The following ALOX15B variants were observed in gnomAD, a reference collection of about 807,000 sequenced individuals.
The protein encoded by ALOX15B is arachidonate 15-lipoxygenase type B, also known as polyunsaturated fatty acid lipoxygenase ALOX15B.
ALOX15B carries 74 observed loss-of-function variants against 73.8 expected under a neutral mutation model. The ratio of observed to expected loss-of-function variants is 1.00; its 90% confidence interval spans 0.83 to 1.22. The LOEUF is 1.22. Ranked by LOEUF, ALOX15B falls within the 50% of genes most tolerant of loss-of-function variation. The pLI is 0.00. For synonymous variants in ALOX15B, 353 were observed against 357.2 expected (o/e 0.99, Z 0.13); for missense variants, 896 against 859.9 (o/e 1.04, Z -0.52).
In ALOX15B at chr17:8,045,567, C is replaced by G; in HGVS notation, c.1081C>G (p.Arg361Gly). 1.9e-6 allele frequency: 3 copies of G among 1,614,170 alleles called. No homozygotes were observed. The highest frequency in any genetic ancestry group is 1.1e-5 in the South Asian group (1 of 91,080). ...CTGGTTGCTGGCCAAGACCTGGGTG[C>G]GCAATGCCGAGTTCTCCTTCCATGA... is the stretch of plus-strand genomic sequence containing the variant. The part of the protein sequence containing the change: ...WDWLLAKTWV[R>G]NAEFSFHEAL... The change falls in exon 8 of 14, where the codon CGC (arginine) becomes GGC (glycine). Residue 361 changes from arginine to glycine, a missense_variant. Coordinates refer to ENST00000380183, the MANE Select transcript of ALOX15B (RefSeq NM_001141.3).
intron 3 of ALOX15B, among the ~76,000 whole-genome samples, chr17:8,041,850 C>T (rs558720957): frequency 6.6e-6 from 1 of 152,220 alleles, no homozygotes. Context: ...AGCCCCTGTC[C>T]CAGGATAGTC....
Position 8,047,910 on chromosome 17 carries a change from G to C in ALOX15B, c.1846G>C (p.Asp616His). 1 of 1,614,084 alleles carries C rather than the reference G, an allele frequency of 6.2e-7. No individual in the cohort carries two copies. Among genetic ancestry groups the C allele is most frequent in the Non-Finnish European group, 8.5e-7 (1 of 1,179,980 alleles). ...CTGGTTGCTGAGCAAGGAGCCTGGA[G>C]ACCAAGTGAGTGTGGGGCTGGGGGC... ...ALWLLSKEPG[D>H]QRPLGTYPDE... The change falls in exon 13 of 14, where the codon GAC becomes CAC. Residue 616 changes from aspartate to histidine, a missense_variant. Transcript: ENST00000380183.
chr17:8,040,832 C>G (rs1976446418), intron 3 of ALOX15B, among the ~76,000 whole-genome samples: 1 of 152,156 alleles, frequency 6.6e-6, no homozygotes, highest in Admixed American at 6.5e-5. Flanking sequence ...GATGGGGGCT[C>G]TCTCTGTGCT....
rs1482159314 is a variant in ALOX15B at position 8,039,279 on chromosome 17, G to A, written c.124G>A (p.Gly42Ser). The change falls in exon 1 of 14, where the codon GGC (glycine) becomes AGC (serine). Residue 42 changes from glycine (G) to serine (S), a missense_variant. Coordinates refer to ENST00000380183, the MANE Select transcript of ALOX15B (RefSeq NM_001141.3). ...ESPPLPLDNL[G>S]KEFTAGAEED... ...CCCCCCACTGCCCCTGGACAATCTC[G>A]GCAAGGAGTTCACTGCGGGCGCTGT... 7 of 1,588,878 alleles carry A rather than the reference G, an allele frequency of 4.4e-6. No individual in the cohort carries two copies. The African/African-American group carries it at 8.0e-5, about 18-fold the overall frequency.
Position 8,042,784 on chromosome 17 carries a change from T to C in ALOX15B, c.576T>C (p.Phe192=). Residue 192 remains phenylalanine, a synonymous_variant, in exon 5 of 14, where the codon TTT becomes TTC. Transcript: ENST00000380183. The part of the protein sequence containing the change: ...ANFYLQAGSA[F]AEMKIKGLLD... ...CACCCCTCACATCCCCTGGCAGTTT[T>C]GCAGAGATGAAAATCAAGGGGTTGC... The C allele has an allele frequency of 6.4e-7, 1 of 1,556,372 alleles. No individual in the cohort carries two copies. The highest frequency in any genetic ancestry group is 2.4e-5 in the East Asian group (1 of 42,030).
rs1273556784 is a variant in ALOX15B, at chr17:8,046,902, C to T, written c.1288-5C>T. On this transcript the variant is annotated splice_polypyrimidine_tract_variant and splice_region_variant and intron_variant, in intron 9 of 13. Transcript: ENST00000380183. Reference sequence around the variant, plus strand: ...TCTGTAGGACCCAAGAGTCCTGTCTCTCAGTCCACAGGCATCGGCATTGAA... The same window carrying T: ...TCTGTAGGACCCAAGAGTCCTGTCTTTCAGTCCACAGGCATCGGCATTGAA... 2 of 1,613,942 alleles carry T rather than the reference C, an allele frequency of 1.2e-6. No individual in the cohort carries two copies. Among genetic ancestry groups the T allele is most frequent in the African/African-American group, 1.3e-5 (1 of 74,912 alleles).
rs1286082376 is a variant in ALOX15B, at chr17:8,039,477, G to A, written c.239G>A (p.Gly80Glu). The stretch of plus-strand genomic sequence containing the variant: ...GCGCCCCCAGTGCTGCCCCTGCTGG[G>A]GCCCCTGGCCCCGGATGCCTGGTTC... ...HKAPPVLPLL[G>E]PLAPDAWFCR... The change falls in exon 2 of 14, where the codon GGG becomes GAG. Residue 80 changes from glycine to glutamate, a missense_variant. Gly to Glu is a moderately conservative substitution (Grantham distance 98, BLOSUM62 -2). Transcript: ENST00000380183. 1 of 1,591,474 alleles carries A rather than the reference G, an allele frequency of 6.3e-7. No homozygotes were observed. The highest frequency in any genetic ancestry group is 8.5e-7 in the Non-Finnish European group (1 of 1,170,722).
chr17:8,041,556 C>T (rs1372550042), intron 3 of ALOX15B, among the ~76,000 whole-genome samples: 1 of 152,214 alleles, frequency 6.6e-6, no homozygotes, highest in Admixed American at 6.5e-5. Context: ...TTGGCCACCA[C>T]CTGGTGGCAG....
At position 8,039,114 on chromosome 17, in the gene ALOX15B, G is replaced by A; in HGVS notation, c.-42G>A. 6.3e-7 allele frequency: 1 copy of A among 1,595,014 alleles called. No individual in the cohort carries two copies. Among genetic ancestry groups the A allele is most frequent in the Non-Finnish European group, 8.5e-7 (1 of 1,171,766 alleles). The stretch of plus-strand genomic sequence containing the variant: ...GTGTCCCAGGGGGGAGCCCCGCTCT[G>A]CAGCCCTGTGCGCCGTAGAGAGCTG... On this transcript the variant is annotated 5_prime_UTR_variant, in exon 1 of 14. Transcript: ENST00000380183.
At chr17:8,040,830 C>T (rs1461919167) in intron 3 of ALOX15B, among the ~76,000 whole-genome samples, 1 of 152,120 alleles carries the variant, frequency 6.6e-6, no homozygotes, top group Non-Finnish European at 1.5e-5. Flanking sequence ...GAGATGGGGG[C>T]TCTCTCTGTG....
rs778231020 is a variant in ALOX15B at position 8,048,430 on chromosome 17, C to T, written c.1896C>T (p.Ala632=). ...TYPDEHFTEE[A]PRRSIATFQS... ...CGGATGAGCACTTCACAGAGGAGGCCCCTCGGCGGAGCATCGCCACCTTCC... is the reference window on the plus strand; with the variant it reads ...CGGATGAGCACTTCACAGAGGAGGCTCCTCGGCGGAGCATCGCCACCTTCC... Residue 632 remains alanine (A), a synonymous_variant, in exon 14 of 14, where the codon GCC becomes GCT. Transcript: ENST00000380183. 5.6e-6 allele frequency: 9 copies of T among 1,613,944 alleles called. No homozygotes were observed. The highest frequency in any genetic ancestry group is 1.3e-5 in the African/African-American group (1 of 74,934).
intron 13 of ALOX15B, 104 bp downstream of exon 13, chr17:8,048,019 C>A: frequency 7.3e-7 from 1 of 1,361,896 alleles, no homozygotes; most frequent in Non-Finnish European, 9.9e-7. Context: ...GTAGCGGGTC[C>A]CTTTGCCCCA....
intron 8 of ALOX15B, among the ~76,000 whole-genome samples, chr17:8,046,171 C>T (rs1001937318): frequency 6.6e-6 from 1 of 152,214 alleles, no homozygotes; most frequent in Non-Finnish European, 1.5e-5. Context: ...CACCCACAGT[C>T]GCTGCTCAGA....
At position 8,048,477 on chromosome 17, in the gene ALOX15B, C is replaced by T. The variant is rs749876352; in HGVS notation, c.1943C>T (p.Ser648Leu). 12 of 1,614,004 alleles carry T rather than the reference C, an allele frequency of 7.4e-6. No individual in the cohort carries two copies. The highest frequency in any genetic ancestry group is 3.3e-5 in the Admixed American group (2 of 59,996). ...ATFQSRLAQI[S>L]RGIQERNQGL... The stretch of plus-strand genomic sequence containing the variant: ...TTCCAGAGCCGCCTGGCCCAGATCT[C>T]GAGGGGCATCCAGGAGCGGAACCAG... The change falls in exon 14 of 14, where the codon TCG becomes TTG. Residue 648 changes from serine to leucine, a missense_variant. Transcript: ENST00000380183.
At chr17:8,045,186 C>A in intron 6 of ALOX15B, 52 bp from the exon 7 acceptor site, 1 of 1,612,406 alleles carries the variant, frequency 6.2e-7, no homozygotes, top group Non-Finnish European at 8.5e-7. Context: ...ACAACTGCAC[C>A]CCCTTCATTT....
At chr17:8,044,372 A>G (rs890207744) in intron 5 of ALOX15B, among the ~76,000 whole-genome samples, 2 of 146,374 alleles carry the variant, frequency 1.4e-5, no homozygotes, top group Non-Finnish European at 3.0e-5. Context: ...CAGTGAGCCG[A>G]GGTCACGCCA....
rs1486367638 is a variant in ALOX15B at position 8,047,095 on chromosome 17, A to G, written c.1457+19A>G. 3.2e-5 allele frequency: 52 copies of G among 1,613,006 alleles called. No individual in the cohort carries two copies. Among genetic ancestry groups the G allele is most frequent in the Non-Finnish European group, 4.2e-5 (49 of 1,179,914 alleles). On this transcript the variant is annotated intron_variant, in intron 10 of 13. Transcript: ENST00000380183. ...TGGAACGGTGAGGGGCCGTCCCTGGAGAGCCGAGGGCTGGTCGGGGACGTG... is the reference window on the plus strand; with the variant it reads ...TGGAACGGTGAGGGGCCGTCCCTGGGGAGCCGAGGGCTGGTCGGGGACGTG...
chr17:8,045,188 C>G (rs1976571747), intron 6 of ALOX15B, 50 bp from the exon 7 acceptor site: 1 of 1,612,776 alleles, frequency 6.2e-7, no homozygotes, highest in Non-Finnish European at 8.5e-7. Flanking sequence ...AACTGCACCC[C>G]CTTCATTTAG....
chr17:8,044,764 G>GT, intron 5 of ALOX15B, 65 bp from the exon 6 acceptor site: 184 of 987,030 alleles, frequency 1.9e-4, no homozygotes, highest in South Asian at 5.2e-4. Flanking sequence ...CCGTCCCCGT[G>GT]TCCCCCACCC....
Sources: allele counts gnomAD v4.1 joint callset (sites outside exome capture counted in the v4.1 genomes callset), GRCh38; gene constraint gnomAD v4.1.1; transcripts MANE v1.5; gene names NCBI Gene and HGNC (gene_info 2026-07-23, HGNC 2026-07-21).